IRAG2: variants seen among roughly 807,000 people sequenced by gnomAD.
The protein encoded by IRAG2 is inositol 1,4,5-triphosphate receptor associated 2, also known as lymphoid restricted membrane protein.
A neutral mutation model predicts 69.9 loss-of-function variants in IRAG2; 45 were observed. That is an observed-to-expected ratio of 0.64 (90% CI 0.51 to 0.83). The LOEUF is 0.83. Ranked by LOEUF, IRAG2 falls within the 40% of genes least tolerant of loss-of-function variation. The pLI is 0.00. For synonymous variants in IRAG2, 193 were observed against 202.4 expected (o/e 0.95, Z 0.40); for missense variants, 520 against 587.0 (o/e 0.89, Z 1.18).
chr12:25,000,644 T>C (rs905184239), upstream of IRAG2, among the ~76,000 whole-genome samples: 1 of 152,132 alleles, frequency 6.6e-6, no homozygotes, highest in East Asian at 1.9e-4. Context: ...AAAATAATTT[T>C]AAAAACCATG....
At chr12:25,103,932 G>A (rs764688437) in intron 18 of IRAG2, 33 bp downstream of exon 18, 2 of 1,605,870 alleles carry the variant, frequency 1.2e-6, no homozygotes, top group Non-Finnish European at 8.5e-7. Flanking sequence ...TTAGTCAAAG[G>A]TAAATTCATT....
In IRAG2 at chr12:25,015,164, T is replaced by G. The variant is rs537354931; in HGVS notation, c.897-18T>G. ...CTAGCTCACTGGTTTTGTTTTTTTTTTTTTTTTTTGGCTACAGGGAAGGAG... is the reference window on the plus strand; with the variant it reads ...CTAGCTCACTGGTTTTGTTTTTTTTGTTTTTTTTTGGCTACAGGGAAGGAG... On this transcript the variant is annotated intron_variant, in intron 3 of 38. Transcript: ENST00000636465. 9.9e-4 allele frequency: 1,188 copies of G among 1,201,046 alleles called. 8 individuals carry two copies. The highest frequency in any genetic ancestry group is 5.8e-3 in the Middle Eastern group (18 of 3,088). The allele number at this position is 1,201,046 out of a possible 1,614,324, so 74.4% of individuals were successfully genotyped here.
intron 8 of IRAG2, among the ~76,000 whole-genome samples, chr12:25,025,879 G>A (rs1175320519): frequency 6.6e-6 from 1 of 152,192 alleles, no homozygotes; most frequent in Admixed American, 6.5e-5. Context: ...TGAGAGTGAG[G>A]ATGTTGGAGG....
chr12:25,074,839 T>G (rs1045375601), intron 6 of IRAG2, among the ~76,000 whole-genome samples: 1 of 152,266 alleles, frequency 6.6e-6, no homozygotes, highest in African/African-American at 2.4e-5. Context: ...TTGTCTAAGA[T>G]GTACTATCAC....
chr12:25,055,534 T>A (rs1945187361), intron 1 of IRAG2, among the ~76,000 whole-genome samples: 1 of 152,212 alleles, frequency 6.6e-6, no homozygotes, highest in South Asian at 2.1e-4. Flanking sequence ...TGTATACATG[T>A]ACCATGTTGG....
intron 3 of IRAG2, chr12:25,015,160 T>TTA: frequency 8.9e-7 from 1 of 1,119,076 alleles, no homozygotes; most frequent in South Asian, 4.5e-5. Context: ...GTTTTGTTTT[T>TTA]TTTTTTTTTT....
intron 2 of IRAG2, among the ~76,000 whole-genome samples, chr12:25,008,570 C>A (rs1285082834): frequency 6.6e-6 from 1 of 152,112 alleles, no homozygotes; most frequent in Non-Finnish European, 1.5e-5. Context: ...GAAACCCCAC[C>A]TCTACTAAAA....
chr12:25,024,555 A>G (rs1461746594), intron 8 of IRAG2, among the ~76,000 whole-genome samples: 2 of 152,248 alleles, frequency 1.3e-5, no homozygotes, highest in African/African-American at 4.8e-5. Flanking sequence ...TTCCTTTTAT[A>G]ATAGACACCA....
chr12:25,026,948 A>G, intron 9 of IRAG2: 1 of 599,394 alleles, frequency 1.7e-6, no homozygotes, highest in Non-Finnish European at 2.4e-6. Flanking sequence ...TGCCTCATTG[A>G]CAAACTAAAC....
At chr12:25,017,429 A>G (rs1944539526) in intron 6 of IRAG2, 1 of 883,112 alleles carries the variant, frequency 1.1e-6, no homozygotes. Flanking sequence ...TTTAGAGTAT[A>G]TTCTCTGGCT....
At chr12:25,063,952 A>G in intron 4 of IRAG2, 136 bp downstream of exon 4, 3 of 394,280 alleles carry the variant, frequency 7.6e-6, no homozygotes, top group Middle Eastern at 6.4e-4. Context: ...AATTCAGTCA[A>G]TCAATATATA....
chr12:25,051,821 C>G (rs527733856), upstream of IRAG2, among the ~76,000 whole-genome samples: 1 of 152,296 alleles, frequency 6.6e-6, no homozygotes, highest in East Asian at 1.9e-4. Flanking sequence ...TTTTCCCTCC[C>G]CCTACCTTTA....
intron 11 of IRAG2, 72 bp from the exon 12 acceptor site, chr12:25,089,542 T>C (rs1042535605): frequency 8.3e-6 from 7 of 847,294 alleles, no homozygotes; most frequent in Non-Finnish European, 1.1e-5. Context: ...AGTGGAGATA[T>C]AACATTAGAT....
At chr12:25,035,399 G>A (rs540907453) in intron 13 of IRAG2, 9 of 305,210 alleles carry the variant, frequency 2.9e-5, no homozygotes, top group Middle Eastern at 8.8e-4. Flanking sequence ...AGCCATAACC[G>A]TTTATATCAT....
At chr12:25,004,505 A>G (rs1178675794) in exon 1 of IRAG2, 2 of 1,232,018 alleles carry the variant, frequency 1.6e-6, no homozygotes, top group African/African-American at 3.1e-5. Flanking sequence ...AACACCAAGA[A>G]ATATTTTGAA....
At chr12:25,011,494 A>T in exon 3 of IRAG2, 1 of 1,231,714 alleles carries the variant, frequency 8.1e-7, no homozygotes, top group Non-Finnish European at 1.0e-6. Context: ...CCACATGTGG[A>T]CCTGGAAACT....
intron 2 of IRAG2, among the ~76,000 whole-genome samples, chr12:25,005,758 T>C (rs187494267): frequency 2.0e-5 from 3 of 152,346 alleles, no homozygotes. Context: ...ATTTTTGAGA[T>C]GTGTTTTTTA....
At chr12:25,042,686 C>T (rs1487654767) in intron 16 of IRAG2, among the ~76,000 whole-genome samples, 1 of 151,666 alleles carries the variant, frequency 6.6e-6, no homozygotes, top group Non-Finnish European at 1.5e-5. Flanking sequence ...AGGATGGTCT[C>T]GATCTCTTGA....
At chr12:25,049,498 C>A (rs1429130593), upstream of IRAG2, among the ~76,000 whole-genome samples, 5 of 152,070 alleles carry the variant, frequency 3.3e-5, no homozygotes, top group Admixed American at 2.6e-4. Context: ...GAAACCCCTA[C>A]AACTCCAGAA....
Sources: gnomAD v4.1 joint callset for allele counts (sites outside exome capture counted in the v4.1 genomes callset) on GRCh38, gnomAD v4.1.1 for gene constraint, MANE v1.5 for transcripts, NCBI Gene and HGNC (gene_info 2026-07-23, HGNC 2026-07-21) for gene names.